Variants in VCPIP1 observed in about 807,000 individuals in gnomAD.
VCPIP1 encodes deubiquitinating protein VCPIP1.
A neutral mutation model predicts 85.0 loss-of-function variants in VCPIP1; 8 were observed. The ratio of observed to expected loss-of-function variants is 0.09; its 90% CI spans 0.06 to 0.17. The LOEUF (loss-of-function observed/expected upper bound fraction) is 0.17. VCPIP1 is among the 10% of genes least tolerant of loss of function. VCPIP1 has a pLI of 1.00. For missense variants in VCPIP1, 1,070 were observed against 1,486.3 expected (o/e 0.72, Z 4.61); for synonymous variants, 543 against 544.5 (o/e 1.00, Z 0.04).
Position 66,634,342 on chromosome 8 carries a change from T to G in VCPIP1, c.*159A>C. On this transcript the variant is annotated 3_prime_UTR_variant, in exon 3 of 3. Coordinates refer to ENST00000310421, the MANE Select transcript of VCPIP1 (RefSeq NM_025054.5). ...CTGGGCAGCAGTATATTAAAAGCTA[T>G]GGCCAATCACACACTTGCTATCATG... is the stretch of plus-strand genomic sequence containing the variant. The G allele has an allele frequency of 1.3e-6, 1 of 786,046 alleles. No homozygotes were observed. The highest frequency in any genetic ancestry group is 1.9e-6 in the Non-Finnish European group (1 of 532,792). The allele number at this position is 786,046 out of a possible 1,614,324, so 48.7% of individuals were successfully genotyped here. A position where few individuals can be genotyped will look rare whatever the true frequency, so the allele number is the denominator to read the frequency against.
chr8:66,656,276 C>A lies in VCPIP1; in HGVS notation c.2711-4732G>T, dbSNP rs1479147369. 2.0e-5 allele frequency among the ~76,000 whole-genome samples: 3 copies of A among 152,104 alleles called. No homozygotes were observed. In the East Asian group the frequency reaches 5.8e-4, roughly 29 times the overall value. ...GTGGCTCAATCATGGTTCACCGCAG[C>A]CTTGATCTCCTGAACTCAAGCAACC... is the stretch of plus-strand genomic sequence containing the variant. On this transcript the variant is annotated intron_variant, in intron 1 of 2. Coordinates refer to ENST00000310421, the MANE Select transcript of VCPIP1 (RefSeq NM_025054.5).
intron 1 of VCPIP1, among the ~76,000 whole-genome samples, chr8:66,661,816 T>C (rs980496103): frequency 2.0e-5 from 3 of 147,464 alleles, no homozygotes; most frequent in East Asian, 2.0e-4. Flanking sequence ...CAGGATGGAG[T>C]GCAGTGGCAC....
chr8:66,632,556 T>C lies in VCPIP1; in HGVS notation c.*1945A>G, dbSNP rs911080809. On this transcript the variant is annotated 3_prime_UTR_variant, in exon 3 of 3. Coordinates refer to ENST00000310421, the MANE Select transcript of VCPIP1 (RefSeq NM_025054.5). ...GATAAAGTTTGTTTCTGGTATTTTATGTTAATGCTATGAGATATCTGTCAG... is the reference window on the plus strand; with the variant it reads ...GATAAAGTTTGTTTCTGGTATTTTACGTTAATGCTATGAGATATCTGTCAG... The C allele has an allele frequency of 5.9e-5, 9 of 152,164 alleles. No homozygotes were observed. Among genetic ancestry groups the C allele is most frequent in the Admixed American group, 2.6e-4 (4 of 15,278 alleles). 9.4% of individuals were successfully genotyped at this position (152,164 alleles called of 1,614,324 possible).
chr8:66,634,764 G>T lies in VCPIP1; in HGVS notation c.3406C>A (p.Leu1136Ile). 6.2e-7 allele frequency: 1 copy of T among 1,614,238 alleles called. No individual in the cohort carries two copies. Among genetic ancestry groups the T allele is most frequent in the Non-Finnish European group, 8.5e-7 (1 of 1,180,040 alleles). ...ACAACTTCTGTTTTCCTTTGAGGAAGATCAGATGGTGACTGCTCTGTACTT... is the reference window on the plus strand; with the variant it reads ...ACAACTTCTGTTTTCCTTTGAGGAATATCAGATGGTGACTGCTCTGTACTT... ...DQSTEQSPSDLPQRKTEVVSS... is the reference protein window; with the variant it reads ...DQSTEQSPSDIPQRKTEVVSS... The change falls in exon 3 of 3, where the codon CTT becomes ATT. Residue 1136 changes from leucine (L) to isoleucine (I), a missense_variant. Physicochemically the swap from Leu to Ile is conservative, Grantham distance 5. Coordinates refer to ENST00000310421, the MANE Select transcript of VCPIP1 (RefSeq NM_025054.5).
rs1327868868 is a variant in VCPIP1 at position 66,630,879 on chromosome 8, T to C, written c.*3622A>G. The C allele has an allele frequency of 6.6e-6, 1 of 152,592 alleles. No homozygotes were observed. Among genetic ancestry groups the C allele is most frequent in the Non-Finnish European group, 1.5e-5 (1 of 67,984 alleles). 9.5% of individuals were successfully genotyped at this position (152,592 alleles called of 1,614,324 possible). A position where few individuals can be genotyped will look rare whatever the true frequency, so the allele number is the denominator to read the frequency against. On this transcript the variant is annotated 3_prime_UTR_variant, in exon 3 of 3. Transcript: ENST00000310421. ...GTGATATAGTTCCCCTTTGTTGTTT[T>C]ATTTCTTAAATATACATTCTACTAA...
intron 1 of VCPIP1, among the ~76,000 whole-genome samples, chr8:66,651,892 A>G (rs1811057097): frequency 1.3e-5 from 2 of 152,138 alleles, no homozygotes; most frequent in Non-Finnish European, 2.9e-5. Context: ...TTAGAACTGC[A>G]TGAGTCAACA....
rs1399621431 is a variant in VCPIP1, at chr8:66,630,097, TTA to T, written c.*4402_*4403del. On this transcript the variant is annotated 3_prime_UTR_variant, in exon 3 of 3. Transcript: ENST00000310421. ...ATTTCAGGGGAAAATCAGTATTAAC[TTA>T]TAGTTTTATTATTGATATAAAAGAA... 6.6e-6 allele frequency: 1 copy of T among 152,150 alleles called. No homozygotes were observed. The highest frequency in any genetic ancestry group is 1.5e-5 in the Non-Finnish European group (1 of 68,006). The allele number at this position is 152,150 out of a possible 1,614,324, so 9.4% of individuals were successfully genotyped here. A position where few individuals can be genotyped will look rare whatever the true frequency, so the allele number is the denominator to read the frequency against.
In VCPIP1 at chr8:66,665,296, T is replaced by C. The variant is rs1225630121; in HGVS notation, c.1663A>G (p.Ile555Val). ...SVRKVRGDGS[I>V]VYLDGDRTNS... Reference sequence around the variant, plus strand: ...GTTCTGTCTCCATCCAAATACACAATAGACCCATCTCCTCTGACCTTTCGC... The same window carrying C: ...GTTCTGTCTCCATCCAAATACACAACAGACCCATCTCCTCTGACCTTTCGC... Residue 555 changes from isoleucine (I) to valine (V), a missense_variant, in exon 1 of 3, where the codon ATT becomes GTT. Around this residue, in one of 8 missense-constraint regions of VCPIP1, gnomAD observed 123 missense variants for 156.3 expected, o/e 0.79. Transcript: ENST00000310421. The surrounding 1 kb of genome is among the most constrained non-coding windows in gnomAD (Gnocchi z 4.3). The C allele has an allele frequency of 5.6e-6, 9 of 1,614,032 alleles. No individual in the cohort carries two copies. The highest frequency in any genetic ancestry group is 1.3e-5 in the African/African-American group (1 of 74,924).
rs1183349772 is a variant in VCPIP1 at position 66,666,093 on chromosome 8, T to C, written c.866A>G (p.Asn289Ser). 3 of 1,614,158 alleles carry C rather than the reference T, an allele frequency of 1.9e-6. No individual in the cohort carries two copies. The highest frequency in any genetic ancestry group is 2.5e-6 in the Non-Finnish European group (3 of 1,180,022). The change falls in exon 1 of 3, where the codon AAT becomes AGT. Residue 289 changes from asparagine to serine, a missense_variant. Transcript: ENST00000310421. The surrounding 1 kb of genome is among the most constrained non-coding windows in gnomAD (Gnocchi z 6.3). ...PPEGVPLGLR[N>S]IHIFGLANVL... ...ATTGGCAAGACCAAATATGTGGATA[T>C]TCCTCAGGCCCAAGGGAACACCCTC...
intron 2 of VCPIP1, among the ~76,000 whole-genome samples, chr8:66,647,159 G>A (rs1390924508): frequency 6.6e-6 from 1 of 152,026 alleles, no homozygotes; most frequent in Non-Finnish European, 1.5e-5. Flanking sequence ...TAGCCAAGAT[G>A]GTGAAACCCT....
chr8:66,630,007 G>A lies in VCPIP1; in HGVS notation c.*4494C>T, dbSNP rs1425965309. On this transcript the variant is annotated 3_prime_UTR_variant, in exon 3 of 3. Transcript: ENST00000310421. ...ATTTCTTTATAAAACTGAACTATAT[G>A]TTCATGCATTATAATTCCAGGAAAC... is the stretch of plus-strand genomic sequence containing the variant. 1.3e-5 allele frequency: 2 copies of A among 152,076 alleles called. No homozygotes were observed. The highest frequency in any genetic ancestry group is 2.9e-5 in the Non-Finnish European group (2 of 68,000). The allele number at this position is 152,076 out of a possible 1,614,324, so 9.4% of individuals were successfully genotyped here. A position where few individuals can be genotyped will look rare whatever the true frequency, so the allele number is the denominator to read the frequency against.
At chr8:66,636,236 CA>C (rs1180259925) in intron 2 of VCPIP1, among the ~76,000 whole-genome samples, 6,433 of 41,788 alleles carry the variant, frequency 0.15, 84 homozygotes, top group African/African-American at 0.31. Context: ...GACTCCATCT[CA>C]AAAAAAAAAA....
chr8:66,637,485 CA>C (rs59405974), intron 2 of VCPIP1, among the ~76,000 whole-genome samples: 7,825 of 91,636 alleles, frequency 0.085, 698 homozygotes, highest in African/African-American at 0.24. Context: ...GACTCCATCT[CA>C]AAAAAAAAAA....
At chr8:66,640,707 C>T (rs1810938338) in intron 2 of VCPIP1, among the ~76,000 whole-genome samples, 1 of 82,696 alleles carries the variant, frequency 1.2e-5, no homozygotes, top group African/African-American at 1.6e-4. Context: ...AAAGGGATGG[C>T]TTGACGGGGG....
In VCPIP1 at chr8:66,664,400, A is replaced by G. The variant is rs752624950; in HGVS notation, c.2559T>C (p.Ser853=). 3 of 1,613,730 alleles carry G rather than the reference A, an allele frequency of 1.9e-6. No homozygotes were observed. In the South Asian group the frequency reaches 3.3e-5, roughly 18 times the overall value. ...GDRITIEILK[S]KAEGGQSAAA... ...CAGCAGACTGACCACCTTCAGCTTT[A>G]CTTTTTAGAATTTCTATTGTAATTC... The change falls in exon 1 of 3, where the codon AGT becomes AGC. Residue 853 remains serine, a synonymous_variant. Transcript: ENST00000310421.
rs867562019 is a variant in VCPIP1, at chr8:66,629,171, A to G, written c.*5330T>C. 2 of 152,328 alleles carry G rather than the reference A, an allele frequency of 1.3e-5. No individual in the cohort carries two copies. The highest frequency in any genetic ancestry group is 3.4e-3 in the Middle Eastern group (1 of 294). The allele number at this position is 152,328 out of a possible 1,614,324, so 9.4% of individuals were successfully genotyped here. A position where few individuals can be genotyped will look rare whatever the true frequency, so the allele number is the denominator to read the frequency against. On this transcript the variant is annotated 3_prime_UTR_variant, in exon 3 of 3. Coordinates refer to ENST00000310421, the MANE Select transcript of VCPIP1 (RefSeq NM_025054.5). ...TCAGGCACTCTTCTAATCATCAGAT[A>G]CGTGTTAACTCATTTAAGACAGCCA...
intron 2 of VCPIP1, among the ~76,000 whole-genome samples, chr8:66,645,874 A>T (rs1313720713): frequency 6.6e-6 from 1 of 152,034 alleles, no homozygotes; most frequent in African/African-American, 2.4e-5. Context: ...ACGATGCAGT[A>T]AACTGTGATT....
Position 66,634,460 on chromosome 8 carries a change from A to G in VCPIP1, c.*41T>C. ...GTGGCCCAGCCAACAAATATTACAT[A>G]TTCACAATAAACATTCTGCCTTTAT... is the stretch of plus-strand genomic sequence containing the variant. On this transcript the variant is annotated 3_prime_UTR_variant, in exon 3 of 3. Transcript: ENST00000310421. 6.5e-7 allele frequency: 1 copy of G among 1,527,890 alleles called. No homozygotes were observed. Among genetic ancestry groups the G allele is most frequent in the East Asian group, 2.3e-5 (1 of 44,192 alleles). 94.6% of individuals were successfully genotyped at this position (1,527,890 alleles called of 1,614,324 possible).
At position 66,667,024 on chromosome 8, in the gene VCPIP1, C is replaced by T. The variant is rs995159823; in HGVS notation, c.-66G>A. ...CCTCAAAAGCTCATAGCCCAGACCC[C>T]CACCAACCCGACTCGGTCCAGTCCA... On this transcript the variant is annotated 5_prime_UTR_variant, in exon 1 of 3. Coordinates refer to ENST00000310421, the MANE Select transcript of VCPIP1 (RefSeq NM_025054.5). 11 of 1,445,392 alleles carry T rather than the reference C, an allele frequency of 7.6e-6. No homozygotes were observed. The highest frequency in any genetic ancestry group is 5.1e-4 in the Middle Eastern group (2 of 3,924). The allele number at this position is 1,445,392 out of a possible 1,614,324, so 89.5% of individuals were successfully genotyped here. A position where few individuals can be genotyped will look rare whatever the true frequency, so the allele number is the denominator to read the frequency against.
Sources: allele counts gnomAD v4.1 joint callset (sites outside exome capture counted in the v4.1 genomes callset), GRCh38; gene constraint gnomAD v4.1.1; regional missense constraint gnomAD v4.1.1; non-coding constraint Gnocchi (gnomAD v3.1); transcripts MANE v1.5; gene names NCBI Gene and HGNC (gene_info 2026-07-23, HGNC 2026-07-21).